PLEKHA5: variants seen among roughly 807,000 people sequenced by gnomAD.
The protein encoded by PLEKHA5 is pleckstrin homology domain containing A5.
Under a neutral mutation model 181.9 loss-of-function variants are expected in PLEKHA5, and 55 were observed. The observed-to-expected ratio is 0.30, with a 90% CI of 0.24 to 0.38. PLEKHA5 has a LOEUF of 0.38. PLEKHA5 is among the 10% of genes least tolerant of loss of function. The pLI is 1.00. For missense variants in PLEKHA5, 1,432 were observed against 1,549.5 expected (o/e 0.92, Z 1.27); for synonymous variants, 535 against 529.4 (o/e 1.01, Z -0.15).
At chr12:19,302,471 C>G (rs767303688) in intron 15 of PLEKHA5, among the ~76,000 whole-genome samples, 4 of 152,194 alleles carry the variant, frequency 2.6e-5, no homozygotes, top group Admixed American at 1.3e-4. Context: ...TTTTGGCTCA[C>G]TGCAACCTCT....
chr12:19,355,449 T>C (rs1165846816), intron 26 of PLEKHA5, among the ~76,000 whole-genome samples: 1 of 148,350 alleles, frequency 6.7e-6, no homozygotes, highest in African/African-American at 2.5e-5. Context: ...ACTCGTGGAC[T>C]CAAGGGATCC....
chr12:19,198,154 T>C (rs571171163), intron 3 of PLEKHA5, among the ~76,000 whole-genome samples: 2 of 152,322 alleles, frequency 1.3e-5, no homozygotes, highest in Admixed American at 1.3e-4. Flanking sequence ...TTTCTTAAAA[T>C]ATAAAAATGT....
chr12:19,356,857 C>T (rs1465475771), intron 26 of PLEKHA5, among the ~76,000 whole-genome samples: 1 of 151,854 alleles, frequency 6.6e-6, no homozygotes, highest in African/African-American at 2.4e-5. Flanking sequence ...CACAGGGTTT[C>T]ACCATGTTGG....
chr12:19,375,540 C>A lies in PLEKHA5; in HGVS notation c.*21C>A, dbSNP rs1231536093. The A allele has an allele frequency of 6.6e-6, 1 of 152,558 alleles. No individual in the cohort carries two copies. The highest frequency in any genetic ancestry group is 1.5e-5 in the Non-Finnish European group (1 of 68,038). The allele number at this position is 152,558 out of a possible 1,614,324, so 9.5% of individuals were successfully genotyped here. Reference sequence around the variant, plus strand: ...CTCTCTTATTTTTCAGCTATACTGACTTCTGTTGAAACCATTCAAAGCTAA... The same window carrying A: ...CTCTCTTATTTTTCAGCTATACTGAATTCTGTTGAAACCATTCAAAGCTAA... On this transcript the variant is annotated 3_prime_UTR_variant, in exon 32 of 32. Coordinates refer to ENST00000429027, the MANE Select transcript of PLEKHA5 (RefSeq NM_001256470.2).
chr12:19,330,026 G>A (rs187746565), intron 20 of PLEKHA5, among the ~76,000 whole-genome samples: 220 of 152,050 alleles, frequency 1.4e-3, no homozygotes, highest in Middle Eastern at 3.4e-3. Context: ...GAGAGGTCCC[G>A]GACAACAAAG....
chr12:19,163,812 AACCTCCTAACC>A (rs1849650919), intron 3 of PLEKHA5, among the ~76,000 whole-genome samples: 2 of 152,288 alleles, frequency 1.3e-5, no homozygotes, highest in South Asian at 4.2e-4. Flanking sequence ...AATGGCCCCT[AACCTCCTAACC>A]ACCTCTGTAG....
chr12:19,367,746 A>T (rs1189615488), intron 30 of PLEKHA5, among the ~76,000 whole-genome samples: 1 of 149,582 alleles, frequency 6.7e-6, no homozygotes, highest in African/African-American at 2.5e-5. Context: ...CGCCTGGCTA[A>T]TTTTTTGTAT....
chr12:19,355,135 A>C (rs557574629), intron 26 of PLEKHA5, among the ~76,000 whole-genome samples: 2 of 152,288 alleles, frequency 1.3e-5, no homozygotes, highest in African/African-American at 4.8e-5. Flanking sequence ...TTCATCTGAG[A>C]TTCATTTAAT....
At chr12:19,135,999 C>T (rs2035541821) in intron 3 of PLEKHA5, among the ~76,000 whole-genome samples, 1 of 151,478 alleles carries the variant, frequency 6.6e-6, no homozygotes, top group Admixed American at 6.6e-5. Context: ...CCCACCTCAG[C>T]CTTACGAGTA....
intron 3 of PLEKHA5, among the ~76,000 whole-genome samples, chr12:19,209,387 A>G (rs1452998574): frequency 6.6e-6 from 1 of 152,200 alleles, no homozygotes; most frequent in Non-Finnish European, 1.5e-5. Flanking sequence ...CAAGGAAAAA[A>G]TAAATCTTGT....
intron 3 of PLEKHA5, among the ~76,000 whole-genome samples, chr12:19,141,776 A>C (rs902930369): frequency 1.3e-5 from 2 of 152,022 alleles, no homozygotes; most frequent in Non-Finnish European, 2.9e-5. Context: ...GTAGAACTTC[A>C]CTGTGGTGGA....
At chr12:19,292,645 A>G (rs1204265116) in intron 15 of PLEKHA5, among the ~76,000 whole-genome samples, 1 of 151,696 alleles carries the variant, frequency 6.6e-6, no homozygotes, top group Non-Finnish European at 1.5e-5. Context: ...TTCAAAAGTG[A>G]AAATGGCAAT....
chr12:19,208,721 A>G (rs772247214), intron 3 of PLEKHA5, among the ~76,000 whole-genome samples: 8 of 152,178 alleles, frequency 5.3e-5, no homozygotes, highest in Non-Finnish European at 7.3e-5. Flanking sequence ...ACAAATATTA[A>G]CAGATCTAGG....
At chr12:19,136,446 G>A (rs1360827663) in intron 3 of PLEKHA5, among the ~76,000 whole-genome samples, 3 of 152,084 alleles carry the variant, frequency 2.0e-5, no homozygotes, top group Non-Finnish European at 2.9e-5. Context: ...TTATGAGAAC[G>A]CAAATAACTT....
intron 15 of PLEKHA5, among the ~76,000 whole-genome samples, chr12:19,311,316 T>C (rs146337160): frequency 1.3e-3 from 197 of 151,364 alleles, no homozygotes; most frequent in Non-Finnish European, 2.4e-3. Context: ...TACTTGCCTA[T>C]AGTCCCAGCT....
chr12:19,265,606 T>C, intron 7 of PLEKHA5, 144 bp from the exon 8 acceptor site: 1 of 566,994 alleles, frequency 1.8e-6, no homozygotes, highest in Non-Finnish European at 3.2e-6. Context: ...GATATTTTCA[T>C]TTAAAACCTT....
intron 21 of PLEKHA5, among the ~76,000 whole-genome samples, chr12:19,338,251 G>T (rs2093609368): frequency 6.6e-6 from 1 of 152,042 alleles, no homozygotes; most frequent in Non-Finnish European, 1.5e-5. Flanking sequence ...CACCCAGGCT[G>T]GAGTGCAGTA....
At chr12:19,245,841 C>T (rs899165605) in intron 3 of PLEKHA5, among the ~76,000 whole-genome samples, 1 of 150,906 alleles carries the variant, frequency 6.6e-6, no homozygotes, top group Non-Finnish European at 1.5e-5. Context: ...AACTAAAAGG[C>T]ACAGGGCAAC....
chr12:19,165,845 C>A (rs186994648), intron 3 of PLEKHA5, among the ~76,000 whole-genome samples: 1 of 152,250 alleles, frequency 6.6e-6, no homozygotes, highest in African/African-American at 2.4e-5. Context: ...GAAGAAGGTT[C>A]GCAAAAGGGA....
Sources: allele counts gnomAD v4.1 joint callset (sites outside exome capture counted in the v4.1 genomes callset), GRCh38; gene constraint gnomAD v4.1.1; transcripts MANE v1.5; gene names NCBI Gene and HGNC (gene_info 2026-07-23, HGNC 2026-07-21).